Variants in KCNT2 observed in about 807,000 individuals in gnomAD.
The protein encoded by KCNT2 is potassium channel subfamily T member 2.
A neutral mutation model predicts 153.8 loss-of-function variants in KCNT2; 67 were observed. That is an observed-to-expected ratio of 0.44 (90% CI 0.36 to 0.53). The LOEUF is 0.53. Among genes scored for constraint, KCNT2 ranks in the 20% least tolerant of loss-of-function variants. The pLI is 0.00. For missense variants in KCNT2, 975 were observed against 1,354.8 expected (o/e 0.72, Z 4.40); for synonymous variants, 500 against 458.8 (o/e 1.09, Z -1.15).
chr1:196,336,220 T>C (rs1052430221), intron 16 of KCNT2, among the ~76,000 whole-genome samples: 2 of 152,112 alleles, frequency 1.3e-5, no homozygotes, highest in African/African-American at 4.8e-5. Flanking sequence ...TCTTCTCTAG[T>C]AATGGCTTTT....
intron 21 of KCNT2, among the ~76,000 whole-genome samples, chr1:196,314,366 C>T (rs1469423348): frequency 6.6e-6 from 1 of 151,374 alleles, no homozygotes; most frequent in Non-Finnish European, 1.5e-5. Flanking sequence ...ATTTTCTACC[C>T]TGTAATTTTC....
intron 6 of KCNT2, 113 bp from the exon 7 acceptor site, chr1:196,467,899 A>C (rs1163328416): frequency 7.9e-6 from 4 of 506,326 alleles, no homozygotes; most frequent in Non-Finnish European, 1.4e-5. Flanking sequence ...ATAATTTAAA[A>C]TATGACAAAT....
intron 1 of KCNT2, among the ~76,000 whole-genome samples, chr1:196,552,031 T>C (rs1278387821): frequency 6.6e-6 from 1 of 151,532 alleles, no homozygotes; most frequent in East Asian, 1.9e-4. Context: ...TGTTTATAAA[T>C]ATAGTGAACC....
At chr1:196,289,279 T>C (rs1226890665) in intron 22 of KCNT2, among the ~76,000 whole-genome samples, 1 of 152,068 alleles carries the variant, frequency 6.6e-6, no homozygotes, top group South Asian at 2.1e-4. Context: ...CCTGTCTTTC[T>C]GCAGTTACTC....
intron 14 of KCNT2, among the ~76,000 whole-genome samples, 192 bp from the exon 15 acceptor site, chr1:196,342,420 CTATATATATATATATA>C (rs71154738): frequency 1.5e-5 from 2 of 132,756 alleles, no homozygotes; most frequent in Admixed American, 7.5e-5. Flanking sequence ...ATTTTGAATA[CTATATATATATATATA>C]TATATATATA....
intron 23 of KCNT2, among the ~76,000 whole-genome samples, chr1:196,283,382 C>A (rs1482278806): frequency 1.3e-5 from 2 of 151,984 alleles, no homozygotes; most frequent in Non-Finnish European, 2.9e-5. Flanking sequence ...TTGCAGTGAG[C>A]CAAGACCACG....
intron 13 of KCNT2, among the ~76,000 whole-genome samples, chr1:196,393,207 G>A (rs1029004900): frequency 7.3e-5 from 11 of 151,326 alleles, no homozygotes; most frequent in Non-Finnish European, 1.6e-4. Flanking sequence ...CTACTTGTGA[G>A]TGAAAATTTG....
chr1:196,386,492 TATA>T (rs1476085288), intron 13 of KCNT2, among the ~76,000 whole-genome samples: 5 of 152,244 alleles, frequency 3.3e-5, no homozygotes, highest in South Asian at 2.1e-4. Context: ...CCACTATTAT[TATA>T]ATAATTATTG....
At chr1:196,531,881 T>A (rs918329686) in intron 1 of KCNT2, among the ~76,000 whole-genome samples, 2 of 152,054 alleles carry the variant, frequency 1.3e-5, no homozygotes, top group African/African-American at 4.8e-5. Flanking sequence ...TCCTAGCATG[T>A]GGAAGTTACA....
intron 8 of KCNT2, among the ~76,000 whole-genome samples, chr1:196,455,504 C>T (rs1676584916): frequency 1.3e-5 from 2 of 151,942 alleles, no homozygotes; most frequent in South Asian, 4.2e-4. Flanking sequence ...CATCTTTCCT[C>T]AAAACAGCAT....
chr1:196,413,091 TA>T (rs1209605736), intron 12 of KCNT2, among the ~76,000 whole-genome samples: 1 of 151,704 alleles, frequency 6.6e-6, no homozygotes, highest in East Asian at 1.9e-4. Flanking sequence ...AGAAAGCTGA[TA>T]CCAGAAACCA....
intron 1 of KCNT2, among the ~76,000 whole-genome samples, chr1:196,559,738 T>C (rs778078077): frequency 6.6e-6 from 1 of 151,846 alleles, no homozygotes; most frequent in Non-Finnish European, 1.5e-5. Context: ...AATCTTTCTG[T>C]GGTTAGAATA....
intron 14 of KCNT2, among the ~76,000 whole-genome samples, chr1:196,364,586 G>A (rs1198054085): frequency 6.6e-6 from 1 of 152,074 alleles, no homozygotes; most frequent in Non-Finnish European, 1.5e-5. Flanking sequence ...AAGCTTAAAT[G>A]CTCATGATAG....
intron 8 of KCNT2, among the ~76,000 whole-genome samples, chr1:196,441,628 ATT>A (rs1344099660): frequency 6.6e-6 from 1 of 151,570 alleles, no homozygotes; most frequent in East Asian, 1.9e-4. Flanking sequence ...TATTTATTAC[ATT>A]TTATCTTCTT....
At chr1:196,256,687 T>C (rs900611832) in intron 26 of KCNT2, among the ~76,000 whole-genome samples, 2 of 150,578 alleles carry the variant, frequency 1.3e-5, no homozygotes, top group African/African-American at 4.9e-5. Context: ...AGTTTGACAG[T>C]TTCACAGGTG....
At chr1:196,287,013 TG>T (rs1297405535) in intron 22 of KCNT2, among the ~76,000 whole-genome samples, 7 of 152,120 alleles carry the variant, frequency 4.6e-5, no homozygotes, top group African/African-American at 1.4e-4. Flanking sequence ...AATAAATGTG[TG>T]GGTTCTCGTG....
chr1:196,591,552 C>A (rs1177408025), intron 1 of KCNT2, among the ~76,000 whole-genome samples: 1 of 152,150 alleles, frequency 6.6e-6, no homozygotes, highest in East Asian at 1.9e-4. Flanking sequence ...AATCAACATA[C>A]TACAGGGCAA....
chr1:196,316,011 G>A lies in KCNT2; in HGVS notation c.2364C>T (p.Leu788=), dbSNP rs760649338. 7 of 1,609,652 alleles carry A rather than the reference G, an allele frequency of 4.3e-6. No individual in the cohort carries two copies. Among genetic ancestry groups the A allele is most frequent in the Non-Finnish European group, 5.9e-6 (7 of 1,177,436 alleles). Residue 788 remains leucine (L), a synonymous_variant, in exon 21 of 28, where the codon CTC becomes CTT. Coordinates refer to ENST00000294725, the MANE Select transcript of KCNT2 (RefSeq NM_198503.5). The part of the protein sequence containing the change: ...VGSIDNLDDL[L]RCGVTFAANM... ...TAGCAGCAAAAGTCACTCCACACCT[G>A]AGTAAGTCATCTAGGCTTTGATAAA...
intron 8 of KCNT2, among the ~76,000 whole-genome samples, chr1:196,456,003 A>G (rs10494743): frequency 0.47 from 71,936 of 151,928 alleles, 19,533 homozygotes; most frequent in Middle Eastern, 0.73. Context: ...AAGTTTAAAC[A>G]ATTATCTGGT....
Sources: allele counts gnomAD v4.1 joint callset (sites outside exome capture counted in the v4.1 genomes callset), GRCh38; gene constraint gnomAD v4.1.1; transcripts MANE v1.5; gene names NCBI Gene and HGNC (gene_info 2026-07-23, HGNC 2026-07-21).